The following CACNB1 variants were observed in gnomAD, a reference collection of about 807,000 sequenced individuals.
CACNB1 encodes the protein calcium voltage-gated channel auxiliary subunit beta 1.
A neutral mutation model predicts 71.6 loss-of-function variants in CACNB1; 29 were observed. The observed-to-expected ratio is 0.40, with a 90% CI of 0.30 to 0.55. CACNB1 has a LOEUF of 0.55. CACNB1 is among the 20% of genes least tolerant of loss of function. The probability of loss-of-function intolerance (pLI) is 0.38; values close to 1 mark genes in which losing one functional copy is unlikely to be tolerated. For synonymous variants in CACNB1, 300 were observed against 319.6 expected (o/e 0.94, Z 0.65); for missense variants, 623 against 801.8 (o/e 0.78, Z 2.69).
chr17:39,190,082 C>A (rs1471428172), intron 3 of CACNB1, among the ~76,000 whole-genome samples: 1 of 151,424 alleles, frequency 6.6e-6, no homozygotes, highest in Non-Finnish European at 1.5e-5. Flanking sequence ...CACCACTGTA[C>A]CCCAGCCTGG....
chr17:39,175,242 C>A lies in CACNB1; in HGVS notation c.1748G>T (p.Arg583Leu), dbSNP rs866053848. ...CCAGCCCTCCAGCTCATTCTTGTTG[C>A]GCCCCAAAACTGGACCCCCACCCTC... ...CAEGGGPVLG[R>L]NKNELEGWGR... The change falls in exon 14 of 14, where the codon CGC (arginine) becomes CTC (leucine). Residue 583 changes from arginine to leucine, a missense_variant. Physicochemically the swap from Arg to Leu is moderately radical, Grantham distance 102 (BLOSUM62 -2). Coordinates refer to ENST00000394303, the MANE Select transcript of CACNB1 (RefSeq NM_000723.5). The surrounding 1 kb of genome is among the most constrained non-coding windows in gnomAD (Gnocchi z 4.7). 2 of 1,613,990 alleles carry A rather than the reference C, an allele frequency of 1.2e-6. No homozygotes were observed. The highest frequency in any genetic ancestry group is 2.2e-5 in the South Asian group (2 of 91,074).
intron 2 of CACNB1, chr17:39,192,020 G>A (rs1052673105): frequency 9.3e-6 from 2 of 215,304 alleles, no homozygotes; most frequent in African/African-American, 2.4e-5. Flanking sequence ...CACCAGCTTC[G>A]GCCTGAGCTC....
intron 2 of CACNB1, chr17:39,193,403 G>A (rs1303064566): frequency 1.2e-5 from 5 of 421,936 alleles, no homozygotes; most frequent in Admixed American, 2.6e-5. Flanking sequence ...CAGCTTTCCT[G>A]AGAGGCTGTT....
At chr17:39,190,942 C>G (rs12944165) in intron 3 of CACNB1, among the ~76,000 whole-genome samples, 3 of 151,630 alleles carry the variant, frequency 2.0e-5, no homozygotes, top group Non-Finnish European at 2.9e-5. Context: ...CGGTGGCTCA[C>G]GCCTGTAATC....
intron 13 of CACNB1, 72 bp downstream of exon 13, chr17:39,177,265 CCTGGGGCACCACA>C: frequency 1.0e-5 from 16 of 1,603,450 alleles, no homozygotes; most frequent in Non-Finnish European, 1.2e-5. Flanking sequence ...TGTTCCTGCT[CCTGGGGCACCACA>C]CTGCCCCGCT....
chr17:39,188,238 G>T (rs1410058931), intron 3 of CACNB1, among the ~76,000 whole-genome samples: 1 of 151,692 alleles, frequency 6.6e-6, no homozygotes, highest in African/African-American at 2.4e-5. Flanking sequence ...AGCCAAGATG[G>T]CACCACTGCA....
At chr17:39,177,104 C>T in intron 13 of CACNB1, 1 of 1,425,644 alleles carries the variant, frequency 7.0e-7, no homozygotes, top group South Asian at 1.5e-5. Flanking sequence ...CCAGAAGCCC[C>T]AGACCCATCA....
chr17:39,186,906 G>A lies in CACNB1; in HGVS notation c.438C>T (p.Ile146=), dbSNP rs752340764. 37 of 1,613,980 alleles carry A rather than the reference G, an allele frequency of 2.3e-5. No individual in the cohort carries two copies. The Admixed American group carries it at 2.7e-4, about 12-fold the overall frequency. The change falls in exon 5 of 14, where the codon ATC becomes ATT. Residue 146 remains isoleucine (I), a synonymous_variant. Transcript: ENST00000394303. This position sits in a 1 kb window ranked among gnomAD's most constrained non-coding sequence, Gnocchi z 4.1. ...IKEKYNNDWW[I]GRLVKEGCEV... is the part of the protein sequence containing the mutation. Reference sequence around the variant, plus strand: ...CACAGCCCTCCTTCACCAGCCGCCCGATCCACCAGTCATTATTGTATTTCT... The same window carrying A: ...CACAGCCCTCCTTCACCAGCCGCCCAATCCACCAGTCATTATTGTATTTCT...
At chr17:39,185,416 CAT>C (rs758068296) in intron 6 of CACNB1, among the ~76,000 whole-genome samples, 20 of 152,088 alleles carry the variant, frequency 1.3e-4, no homozygotes, top group Non-Finnish European at 2.5e-4. Flanking sequence ...AATATTCAGA[CAT>C]ATCCTACCCT....
At chr17:39,195,277 C>T (rs1002789442) in intron 1 of CACNB1, 26 of 300,186 alleles carry the variant, frequency 8.7e-5, no homozygotes, top group Middle Eastern at 9.8e-4. Flanking sequence ...GCTGGAGGCT[C>T]ATTAGGCAGC....
At chr17:39,183,358 G>A (rs973167848) in intron 11 of CACNB1, among the ~76,000 whole-genome samples, 2 of 151,752 alleles carry the variant, frequency 1.3e-5, no homozygotes, top group Non-Finnish European at 2.9e-5. Context: ...AGAAGAAGAA[G>A]AAGAAGAAAG....
chr17:39,193,831 A>AAGGACTTCCTGTCTGGTCCTAGAG, intron 2 of CACNB1: 1 of 176,752 alleles, frequency 5.7e-6, no homozygotes, highest in Non-Finnish European at 1.2e-5. Context: ...TGATTGAAGA[A>AAGGACTTCCTGTCTGGTCCTAGAG]AGGACTTCCT....
rs983816354 is a variant in CACNB1 at position 39,190,391 on chromosome 17, ACC to A, written c.291+1081_291+1082del. Among the ~76,000 whole-genome samples, 44 of 152,190 alleles carry A rather than the reference ACC, an allele frequency of 2.9e-4. No individual in the cohort carries two copies. The Middle Eastern group carries it at 0.01, about 35-fold the overall frequency. ...CACTCAGCCTGAGTGACAGAGAGAGACCCTGTCTCATAAAAAATAATAAATAT... is the reference window on the plus strand; with the variant it reads ...CACTCAGCCTGAGTGACAGAGAGAGACTGTCTCATAAAAAATAATAAATAT... On this transcript the variant is annotated intron_variant, in intron 3 of 13. Coordinates refer to ENST00000394303, the MANE Select transcript of CACNB1 (RefSeq NM_000723.5).
intron 6 of CACNB1, among the ~76,000 whole-genome samples, chr17:39,185,724 G>C (rs1029691524): frequency 6.6e-6 from 1 of 152,050 alleles, no homozygotes; most frequent in African/African-American, 2.4e-5. Flanking sequence ...CCCCAGGTGT[G>C]GGGGCAACCT....
chr17:39,193,540 T>C (rs2144178134), intron 2 of CACNB1: 10 of 425,788 alleles, frequency 2.3e-5, no homozygotes, highest in South Asian at 1.6e-4. Context: ...CCCGTTCCCT[T>C]GGGGGCTCGG....
chr17:39,188,410 A>G (rs2045993717), intron 3 of CACNB1, among the ~76,000 whole-genome samples: 1 of 152,090 alleles, frequency 6.6e-6, no homozygotes. Flanking sequence ...CCCTGTCGCT[A>G]CTAAAAATAC....
At position 39,197,660 on chromosome 17, in the gene CACNB1, T is replaced by C; in HGVS notation, c.-165A>G. ...TCCTGCCTTCCCTCGCTCCTCCCGC[T>C]CTCTCCACTGCCGCCGCCGCCTCCC... On this transcript the variant is annotated 5_prime_UTR_variant, in exon 1 of 14. Transcript: ENST00000394303. The C allele has an allele frequency of 1.8e-6, 1 of 542,286 alleles. No homozygotes were observed. The highest frequency in any genetic ancestry group is 2.0e-5 in the African/African-American group (1 of 49,050). 33.6% of individuals were successfully genotyped at this position (542,286 alleles called of 1,614,324 possible). A position where few individuals can be genotyped will look rare whatever the true frequency, so the allele number is the denominator to read the frequency against.
At chr17:39,196,693 GAGA>G (rs1022403862) in intron 1 of CACNB1, among the ~76,000 whole-genome samples, 50 of 151,814 alleles carry the variant, frequency 3.3e-4, no homozygotes, top group African/African-American at 1.2e-3. Context: ...GGTGGGGATG[GAGA>G]AGTAGACCCC....
At chr17:39,176,558 A>C (rs1291313205) in intron 13 of CACNB1, among the ~76,000 whole-genome samples, 1 of 152,242 alleles carries the variant, frequency 6.6e-6, no homozygotes, top group Non-Finnish European at 1.5e-5. Context: ...CCCTCAGGGC[A>C]GAGCAAGGAT....
Sources: allele counts gnomAD v4.1 joint callset (sites outside exome capture counted in the v4.1 genomes callset), GRCh38; gene constraint gnomAD v4.1.1; non-coding constraint Gnocchi (gnomAD v3.1); transcripts MANE v1.5; gene names NCBI Gene and HGNC (gene_info 2026-07-23, HGNC 2026-07-21).